P4HA2: variants seen among roughly 807,000 people sequenced by gnomAD.
The protein encoded by P4HA2 is prolyl 4-hydroxylase subunit alpha 2.
Under a neutral mutation model 76.9 loss-of-function variants are expected in P4HA2, and 46 were observed. The observed-to-expected ratio is 0.60, with a 90% confidence interval of 0.47 to 0.76. P4HA2 has a LOEUF of 0.76. Among genes scored for constraint, P4HA2 ranks in the 30% least tolerant of loss-of-function variants. P4HA2 has a pLI of 0.00. For missense variants in P4HA2, 583 were observed against 669.4 expected (o/e 0.87, Z 1.42); for synonymous variants, 243 against 254.0 (o/e 0.96, Z 0.41).
At chr5:132,215,847 CT>C (rs1232855535) in intron 4 of P4HA2, among the ~76,000 whole-genome samples, 1 of 83,228 alleles carries the variant, frequency 1.2e-5, no homozygotes, top group Non-Finnish European at 2.3e-5. Flanking sequence ...GACCCTGTCC[CT>C]TTAAAAAAAA....
Position 132,210,309 on chromosome 5 carries a change from C to A in P4HA2, c.684G>T (p.Glu228Asp), listed in dbSNP as rs749593937. 1 of 1,614,166 alleles carries A rather than the reference C, an allele frequency of 6.2e-7. No homozygotes were observed. Among genetic ancestry groups the A allele is most frequent in the Non-Finnish European group, 8.5e-7 (1 of 1,180,036 alleles). ...CAAGGGAGAGCAGGCGGCGGGTGAG[C>A]TCCAGGGCACGGTGCAGATCACCCA... The part of the protein sequence containing the change: ...FQLGDLHRAL[E>D]LTRRLLSLDP... Residue 228 changes from glutamate (E) to aspartate (D), a missense_variant, in exon 6 of 15, where the codon GAG (glutamate) becomes GAT (aspartate). Physicochemically the swap from Glu to Asp is conservative, Grantham distance 45 (BLOSUM62 2). Coordinates refer to ENST00000360568, the MANE Select transcript of P4HA2 (RefSeq NM_001017974.2).
intron 10 of P4HA2, chr5:132,199,377 C>T (rs1230742735): frequency 6.0e-6 from 1 of 166,050 alleles, no homozygotes; most frequent in Non-Finnish European, 1.3e-5. Context: ...GTACTCAGCA[C>T]CTGGCACTGT....
At chr5:132,203,643 T>C in intron 10 of P4HA2, 105 bp downstream of exon 10, 2 of 714,592 alleles carry the variant, frequency 2.8e-6, no homozygotes, top group East Asian at 2.7e-5. Context: ...CATCAGGCAG[T>C]AGTCATACAG....
Position 132,198,893 on chromosome 5 carries a change from A to C in P4HA2, c.1291T>G (p.Phe431Val), listed in dbSNP as rs1199020295. Residue 431 changes from phenylalanine (F) to valine (V), a missense_variant, in exon 11 of 15, where the codon TTC becomes GTC. By Grantham distance (50) the Phe-to-Val change is conservative. Transcript: ENST00000360568. ...YGVGGQYEPHFDFSRRPFDSG... is the reference protein window; with the variant it reads ...YGVGGQYEPHVDFSRRPFDSG... ...TTAGGCCTTACCCTAGAGAAGTCGA[A>C]GTGCGGTTCATACTGTCCTCCCACT... 1 of 1,612,398 alleles carries C rather than the reference A, an allele frequency of 6.2e-7. No homozygotes were observed. The highest frequency in any genetic ancestry group is 1.7e-5 in the Admixed American group (1 of 60,018).
At chr5:132,210,676 G>A (rs1752957116) in intron 5 of P4HA2, among the ~76,000 whole-genome samples, 153 bp from the exon 6 acceptor site, 1 of 152,098 alleles carries the variant, frequency 6.6e-6, no homozygotes, top group Admixed American at 6.5e-5. Context: ...AAGGGCCACT[G>A]ACACAGTGAG....
chr5:132,215,786 C>T (rs1753761548), intron 4 of P4HA2, among the ~76,000 whole-genome samples: 1 of 137,474 alleles, frequency 7.3e-6, no homozygotes, highest in Non-Finnish European at 1.5e-5. Flanking sequence ...CAGTGTGCTA[C>T]AATCGCACCT....
chr5:132,200,481 C>G (rs1751330204), intron 10 of P4HA2: 1 of 158,382 alleles, frequency 6.3e-6, no homozygotes, highest in African/African-American at 2.4e-5. Context: ...AGAGAAGTGC[C>G]AGAGCAGCTG....
intron 1 of P4HA2, among the ~76,000 whole-genome samples, chr5:132,223,547 C>T (rs1357975692): frequency 6.6e-6 from 1 of 152,234 alleles, no homozygotes; most frequent in East Asian, 1.9e-4. Flanking sequence ...TAGGCATGAG[C>T]CATCGCACAG....
At chr5:132,195,589 GAC>G in intron 12 of P4HA2, 109 bp from the exon 13 acceptor site, 1 of 792,320 alleles carries the variant, frequency 1.3e-6, no homozygotes. Context: ...CAGCATGAGT[GAC>G]ACTACTTGGT....
rs768926591 is a variant in P4HA2 at position 132,195,455 on chromosome 5, G to GCAC, written c.1388_1390dup (p.Gly463dup). The stretch of plus-strand genomic sequence containing the variant: ...AGCCCCCAGATCAGGGAAGACGGTG[G>GCAC]CACCACCAGCTTCTACATCACTCAT... On this transcript the variant is annotated inframe_insertion, in exon 13 of 15. Transcript: ENST00000360568. The GCAC allele has an allele frequency of 1.2e-6, 2 of 1,613,228 alleles. No homozygotes were observed. Among genetic ancestry groups the GCAC allele is most frequent in the Admixed American group, 3.3e-5 (2 of 60,008 alleles).
chr5:132,219,533 A>G (rs1307173760), intron 1 of P4HA2, among the ~76,000 whole-genome samples: 1 of 152,124 alleles, frequency 6.6e-6, no homozygotes, highest in Non-Finnish European at 1.5e-5. Context: ...CCACAACAGA[A>G]GCCTCCGATA....
chr5:132,219,884 G>A (rs1754425416), intron 1 of P4HA2, among the ~76,000 whole-genome samples: 1 of 152,054 alleles, frequency 6.6e-6, no homozygotes, highest in Non-Finnish European at 1.5e-5. Flanking sequence ...GCTCAGAGAA[G>A]GCCAACCACA....
chr5:132,216,682 C>T (rs1753940780), intron 4 of P4HA2, among the ~76,000 whole-genome samples: 1 of 152,114 alleles, frequency 6.6e-6, no homozygotes, highest in Non-Finnish European at 1.5e-5. Context: ...ACCTATGCTC[C>T]CCAACTTGCC....
intron 1 of P4HA2, 23 bp from the exon 2 acceptor site, chr5:132,218,667 CACTGGATCAACAAAGTGAAAAAG>C: frequency 1.4e-6 from 2 of 1,442,608 alleles, no homozygotes; most frequent in Non-Finnish European, 2.0e-6. Context: ...CAATGACAAT[CACTGGATCAACAAAGTGAAAAAG>C]ACTAATTTAG....
At chr5:132,209,423 C>A in intron 6 of P4HA2, 92 bp from the exon 7 acceptor site, 1 of 1,028,658 alleles carries the variant, frequency 9.7e-7, no homozygotes, top group South Asian at 1.5e-5. Context: ...TCTCTCCCAG[C>A]AGCTCACCTG....
chr5:132,196,864 A>C (rs1403364413), intron 12 of P4HA2, among the ~76,000 whole-genome samples: 1 of 151,330 alleles, frequency 6.6e-6, no homozygotes, highest in South Asian at 2.1e-4. Flanking sequence ...CTGTCTCAAA[A>C]AAAAAAAAAA....
intron 1 of P4HA2, among the ~76,000 whole-genome samples, chr5:132,219,112 A>G (rs1754305063): frequency 6.6e-6 from 1 of 152,218 alleles, no homozygotes; most frequent in East Asian, 1.9e-4. Context: ...AGAGACAATA[A>G]CAGAAAGATA....
At position 132,217,264 on chromosome 5, in the gene P4HA2, T is replaced by G. The variant is rs763443606; in HGVS notation, c.264A>C (p.Lys88Asn). The G allele has an allele frequency of 1.2e-6, 2 of 1,614,134 alleles. No individual in the cohort carries two copies. The highest frequency in any genetic ancestry group is 2.2e-5 in the South Asian group (2 of 91,078). The change falls in exon 4 of 15, where the codon AAA (lysine) becomes AAC (asparagine). Residue 88 changes from lysine (K) to asparagine (N), a missense_variant. Lys to Asn is a moderately conservative substitution (Grantham distance 94, BLOSUM62 0). Transcript: ENST00000360568. ...AGTCTGTGTTTAGCCGCTTCACCAG[T>G]TTGTAGGCATTCACAGGGTGAGCCA... ...GYLAHPVNAY[K>N]LVKRLNTDWP... is the part of the protein sequence containing the mutation.
At chr5:132,217,534 A>G in intron 3 of P4HA2, 186 bp from the exon 4 acceptor site, 1 of 644,272 alleles carries the variant, frequency 1.6e-6, no homozygotes, top group Non-Finnish European at 2.7e-6. Context: ...AACAGCTGGG[A>G]CCCCCAATGT....
Sources: gnomAD v4.1 joint callset for allele counts (sites outside exome capture counted in the v4.1 genomes callset) on GRCh38, gnomAD v4.1.1 for gene constraint, MANE v1.5 for transcripts, NCBI Gene and HGNC (gene_info 2026-07-23, HGNC 2026-07-21) for gene names.